The following C3orf70 variants were observed in gnomAD, a reference collection of about 807,000 sequenced individuals.
The protein encoded by C3orf70 is chromosome 3 open reading frame 70.
In C3orf70, 15 loss-of-function variants were observed where a neutral mutation model predicts 20.7. That is an observed-to-expected ratio of 0.72 (90% CI 0.48 to 1.11). C3orf70 has a LOEUF of 1.11. Ranked by LOEUF, C3orf70 falls within the 50% of genes most tolerant of loss-of-function variation. C3orf70 has a pLI of 0.00. For synonymous variants in C3orf70, 161 were observed against 125.7 expected, an observed-to-expected ratio of 1.28 and a Z score of -1.88; for missense variants, 332 against 317.6, an observed-to-expected ratio of 1.05 and a Z score of -0.34.
At position 185,104,127 on chromosome 3, in the gene C3orf70, C is replaced by T. The variant is rs1307168101; in HGVS notation, c.197-20564G>A. On this transcript the variant is annotated intron_variant, in intron 1 of 1. Transcript: ENST00000335012. The stretch of plus-strand genomic sequence containing the variant: ...ACTGTAAAACGGCAATCCACTCTGG[C>T]TCCCCCCTCCGCTGTGGACAGCTTT... Among the ~76,000 whole-genome samples, 3 of 152,296 alleles carry T rather than the reference C, an allele frequency of 2.0e-5. No homozygotes were observed. In the East Asian group the frequency reaches 5.8e-4, roughly 29 times the overall value.
In C3orf70 at chr3:185,082,943, A is replaced by G; in HGVS notation, c.*64T>C. 5 of 1,504,606 alleles carry G rather than the reference A, an allele frequency of 3.3e-6. No individual in the cohort carries two copies. The highest frequency in any genetic ancestry group is 1.9e-5 in the Admixed American group (1 of 51,378). 93.2% of individuals were successfully genotyped at this position (1,504,606 alleles called of 1,614,324 possible). ...AATATCAACAGCATTGGAAAAAAGG[A>G]TCCACCAGACAAAGGTACAAAAGCT... On this transcript the variant is annotated 3_prime_UTR_variant, in exon 2 of 2. Transcript: ENST00000335012.
At chr3:185,121,719 T>C (rs1001915883) in intron 1 of C3orf70, among the ~76,000 whole-genome samples, 25 of 152,236 alleles carry the variant, frequency 1.6e-4, no homozygotes, top group African/African-American at 4.8e-4. Flanking sequence ...AAGAAAGCCA[T>C]GATGTCAGAC....
intron 1 of C3orf70, among the ~76,000 whole-genome samples, chr3:185,092,245 A>G (rs1715607080): frequency 6.6e-6 from 1 of 152,080 alleles, no homozygotes; most frequent in South Asian, 2.1e-4. Flanking sequence ...CACTGTAAAC[A>G]TTCTGTTATT....
chr3:185,093,736 AAAAG>A (rs1715640838), intron 1 of C3orf70, among the ~76,000 whole-genome samples: 1 of 152,114 alleles, frequency 6.6e-6, no homozygotes, highest in Non-Finnish European at 1.5e-5. Flanking sequence ...GGACCTGAAC[AAAAG>A]AAAGTAAAGT....
intron 1 of C3orf70, among the ~76,000 whole-genome samples, chr3:185,142,349 T>C (rs1362929791): frequency 6.6e-6 from 1 of 152,086 alleles, no homozygotes; most frequent in African/African-American, 2.4e-5. Context: ...CCCCAGCCAC[T>C]TGGAGGCTGA....
rs869291177 is a variant in C3orf70 at position 185,091,912 on chromosome 3, CATATATATATATATATATATAT to C, written c.197-8371_197-8350del. 1.7e-3 allele frequency among the ~76,000 whole-genome samples: 60 copies of C among 35,894 alleles called. 2 individuals carry two copies. The highest frequency in any genetic ancestry group is 3.6e-3 in the African/African-American group (45 of 12,634). The allele number at this position is 35,894 out of a possible 152,430, so 23.5% of individuals were successfully genotyped here. On this transcript the variant is annotated intron_variant, in intron 1 of 1. Coordinates refer to ENST00000335012, the MANE Select transcript of C3orf70 (RefSeq NM_001025266.3). ...ATACACACATACACACACACACATACATATATATATATATATATATATATATATATATATATATATATATATA... is the reference window on the plus strand; with the variant it reads ...ATACACACATACACACACACACATACATATATATATATATATATATATATA...
At chr3:185,093,030 G>A (rs1323668320) in intron 1 of C3orf70, among the ~76,000 whole-genome samples, 3 of 151,826 alleles carry the variant, frequency 2.0e-5, no homozygotes, top group Non-Finnish European at 4.4e-5. Flanking sequence ...TATAGTGCAG[G>A]TTGAGTATCC....
intron 1 of C3orf70, among the ~76,000 whole-genome samples, chr3:185,096,027 G>A (rs761327318): frequency 8.6e-5 from 13 of 152,008 alleles, no homozygotes; most frequent in African/African-American, 1.9e-4. Flanking sequence ...GAACCACCGC[G>A]CCTGGCCAAA....
At chr3:185,098,592 C>T (rs1202565177) in intron 1 of C3orf70, among the ~76,000 whole-genome samples, 1 of 152,144 alleles carries the variant, frequency 6.6e-6, no homozygotes, top group African/African-American at 2.4e-5. Flanking sequence ...GAAAGCATCT[C>T]CCTTTACAGT....
chr3:185,085,233 A>G (rs1719795070), intron 1 of C3orf70, among the ~76,000 whole-genome samples: 1 of 152,220 alleles, frequency 6.6e-6, no homozygotes, highest in Admixed American at 6.5e-5. Flanking sequence ...TAGGACAGGA[A>G]TCACATTTGT....
chr3:185,139,642 A>G (rs765947092), intron 1 of C3orf70, among the ~76,000 whole-genome samples: 12 of 152,170 alleles, frequency 7.9e-5, no homozygotes, highest in African/African-American at 1.7e-4. Flanking sequence ...AAGAAGAGAC[A>G]TGAAGACCAG....
intron 1 of C3orf70, among the ~76,000 whole-genome samples, chr3:185,136,685 C>T (rs1364278405): frequency 6.6e-6 from 1 of 152,106 alleles, no homozygotes; most frequent in Non-Finnish European, 1.5e-5. Flanking sequence ...GATCGCGCCA[C>T]AGCACTCCAG....
chr3:185,094,402 G>A (rs1715659138), intron 1 of C3orf70, among the ~76,000 whole-genome samples: 4 of 151,972 alleles, frequency 2.6e-5, no homozygotes, highest in African/African-American at 9.7e-5. Flanking sequence ...TTGTTGTATT[G>A]TTATTTCTTA....
chr3:185,096,023 C>T (rs1197439509), intron 1 of C3orf70, among the ~76,000 whole-genome samples: 1 of 152,140 alleles, frequency 6.6e-6, no homozygotes, highest in East Asian at 1.9e-4. Flanking sequence ...GCGTGAACCA[C>T]CGCGCCTGGC....
chr3:185,082,237 C>T lies in C3orf70; in HGVS notation c.*770G>A, dbSNP rs770374480. ...TTTGGGTGCCATGAGTTGAATGTGTCATATATAGGACTGTGGGCCCCTTCA... is the reference window on the plus strand; with the variant it reads ...TTTGGGTGCCATGAGTTGAATGTGTTATATATAGGACTGTGGGCCCCTTCA... On this transcript the variant is annotated 3_prime_UTR_variant, in exon 2 of 2. Coordinates refer to ENST00000335012, the MANE Select transcript of C3orf70 (RefSeq NM_001025266.3). The T allele has an allele frequency of 2.6e-5, 4 of 152,148 alleles. No individual in the cohort carries two copies. The highest frequency in any genetic ancestry group is 5.9e-5 in the Non-Finnish European group (4 of 68,046). 9.4% of individuals were successfully genotyped at this position (152,148 alleles called of 1,614,324 possible). A position where few individuals can be genotyped will look rare whatever the true frequency, so the allele number is the denominator to read the frequency against.
At chr3:185,150,445 A>C (rs1241916121) in intron 1 of C3orf70, among the ~76,000 whole-genome samples, 2 of 152,240 alleles carry the variant, frequency 1.3e-5, no homozygotes, top group Non-Finnish European at 2.9e-5. Context: ...CATTCTAATG[A>C]AATGAAATTT....
chr3:185,091,444 A>G (rs1458561810), intron 1 of C3orf70, among the ~76,000 whole-genome samples: 2 of 152,138 alleles, frequency 1.3e-5, no homozygotes, highest in African/African-American at 2.4e-5. Flanking sequence ...GGAAGCAAGT[A>G]ATGACAAAAG....
chr3:185,115,820 G>A (rs1716162701), intron 1 of C3orf70, among the ~76,000 whole-genome samples: 1 of 152,146 alleles, frequency 6.6e-6, no homozygotes, highest in African/African-American at 2.4e-5. Flanking sequence ...TTCTCATTGT[G>A]ACCTCACACG....
intron 1 of C3orf70, among the ~76,000 whole-genome samples, chr3:185,085,514 C>T (rs192256038): frequency 6.6e-6 from 1 of 152,292 alleles, no homozygotes; most frequent in Non-Finnish European, 1.5e-5. Flanking sequence ...AGTCGTTAAG[C>T]CTCTGGGTTC....
Sources: gnomAD v4.1 joint callset for allele counts (sites outside exome capture counted in the v4.1 genomes callset) on GRCh38, gnomAD v4.1.1 for gene constraint, MANE v1.5 for transcripts, NCBI Gene and HGNC (gene_info 2026-07-23, HGNC 2026-07-21) for gene names.